Variants in MITF observed in about 807,000 individuals in gnomAD.
MITF encodes microphthalmia-associated transcription factor.
In MITF, 17 loss-of-function variants were observed where a neutral mutation model predicts 60.5. The ratio of observed to expected loss-of-function variants is 0.28; its 90% confidence interval spans 0.19 to 0.42. MITF has a LOEUF of 0.42. Among genes scored for constraint, MITF ranks in the 10% least tolerant of loss-of-function variants. The pLI, the probability that MITF is intolerant of heterozygous loss-of-function variation, is 1.00. For missense variants in MITF, 622 were observed against 683.5 expected (o/e 0.91, Z 1.00); for synonymous variants, 260 against 248.5 (o/e 1.05, Z -0.43).
intron 1 of MITF, among the ~76,000 whole-genome samples, chr3:69,755,445 T>G (rs1171321147): frequency 1.9e-5 from 2 of 103,722 alleles, no homozygotes; most frequent in African/African-American, 3.4e-5. Flanking sequence ...TTTTTTTTTT[T>G]TTTTTTTTTT....
At chr3:69,749,851 G>A (rs1703862837) in intron 1 of MITF, among the ~76,000 whole-genome samples, 2 of 152,150 alleles carry the variant, frequency 1.3e-5, no homozygotes, top group African/African-American at 4.8e-5. Context: ...TGGTCTTTGG[G>A]TAGGTACACA....
At chr3:69,916,972 A>G (rs947080983) in intron 2 of MITF, among the ~76,000 whole-genome samples, 10 of 152,162 alleles carry the variant, frequency 6.6e-5, no homozygotes, top group African/African-American at 2.2e-4. Flanking sequence ...AGATTCTGGT[A>G]TTGTTGCTTG....
chr3:69,777,532 A>G (rs751730021), intron 1 of MITF, among the ~76,000 whole-genome samples: 1 of 152,190 alleles, frequency 6.6e-6, no homozygotes, highest in Non-Finnish European at 1.5e-5. Flanking sequence ...TTTGAGTAGC[A>G]TTGGTCCTGA....
intron 7 of MITF, among the ~76,000 whole-genome samples, chr3:69,952,307 G>A (rs962739104): frequency 7.2e-5 from 11 of 152,144 alleles, no homozygotes; most frequent in Non-Finnish European, 8.8e-5. Context: ...CTGAAGGGGA[G>A]TAAATGGATG....
Position 69,827,697 on chromosome 3 carries a change from A to G in MITF, c.105-51437A>G, listed in dbSNP as rs117411448. Among the ~76,000 whole-genome samples, 93 of 152,254 alleles carry G rather than the reference A, an allele frequency of 6.1e-4. No homozygotes were observed. In the East Asian group the frequency reaches 9.1e-3, roughly 15 times the overall value. On this transcript the variant is annotated intron_variant, in intron 1 of 9. Coordinates refer to ENST00000352241, the MANE Select transcript of MITF (RefSeq NM_001354604.2). The stretch of plus-strand genomic sequence containing the variant: ...AAACACTTCCATTGAATCAGTGGAC[A>G]TGACTTTTGGAATATAATTCCCAAT...
At chr3:69,756,640 G>A (rs1704160137) in intron 1 of MITF, among the ~76,000 whole-genome samples, 1 of 152,144 alleles carries the variant, frequency 6.6e-6, no homozygotes, top group Non-Finnish European at 1.5e-5. Context: ...AATCCTTTGG[G>A]TATATACCCA....
intron 7 of MITF, 144 bp from the exon 8 acceptor site, chr3:69,956,311 A>G (rs2066395960): frequency 2.8e-6 from 2 of 712,702 alleles, no homozygotes; most frequent in Non-Finnish European, 5.1e-6. Context: ...AATACCAAGA[A>G]CATAGTAAAA....
At chr3:69,758,961 A>G (rs1475652048) in intron 1 of MITF, among the ~76,000 whole-genome samples, 1 of 152,238 alleles carries the variant, frequency 6.6e-6, no homozygotes, top group Non-Finnish European at 1.5e-5. Context: ...TGGCATATGT[A>G]CATTCTCAAT....
intron 1 of MITF, among the ~76,000 whole-genome samples, chr3:69,837,044 C>T (rs1022101137): frequency 4.6e-5 from 7 of 152,214 alleles, no homozygotes; most frequent in Non-Finnish European, 7.3e-5. Flanking sequence ...AGCCCCTGAC[C>T]CTTAGGGCTT....
chr3:69,939,126 G>A lies in MITF; in HGVS notation c.611G>A (p.Arg204Lys). ...TTTTATAAGTTTGAAGAGCAAAACA[G>A]GGCAGAGAGCGAGTGCCCAGGCATG... is the stretch of plus-strand genomic sequence containing the variant. ...EGFYKFEEQNRAESECPGMNT... is the reference protein window; with the variant it reads ...EGFYKFEEQNKAESECPGMNT... Residue 204 changes from arginine to lysine, a missense_variant, in exon 4 of 10, where the codon AGG (arginine) becomes AAG (lysine). By Grantham distance (26) the Arg-to-Lys change is conservative. This residue lies in a region of MITF where 215 missense variants were observed against 224.8 expected (regional missense o/e 0.96). Coordinates refer to ENST00000352241, the MANE Select transcript of MITF (RefSeq NM_001354604.2). 2 of 1,614,054 alleles carry A rather than the reference G, an allele frequency of 1.2e-6. No homozygotes were observed. The highest frequency in any genetic ancestry group is 1.1e-5 in the South Asian group (1 of 91,080).
chr3:69,810,192 T>G (rs894960883), intron 1 of MITF, among the ~76,000 whole-genome samples: 1 of 152,178 alleles, frequency 6.6e-6, no homozygotes, highest in Admixed American at 6.5e-5. Flanking sequence ...AGTACAGATT[T>G]TGATATCTTG....
chr3:69,852,332 C>G (rs1158261708), intron 1 of MITF, among the ~76,000 whole-genome samples: 1 of 152,208 alleles, frequency 6.6e-6, no homozygotes, highest in African/African-American at 2.4e-5. Context: ...CCTAGTCAAC[C>G]CCTCTTCTAA....
At chr3:69,909,557 G>T (rs572902178) in intron 2 of MITF, among the ~76,000 whole-genome samples, 1 of 152,266 alleles carries the variant, frequency 6.6e-6, no homozygotes, top group South Asian at 2.1e-4. Flanking sequence ...TTGTTGAATG[G>T]CTTTGACTAA....
At chr3:69,870,273 C>CACACAA (rs1448668213) in intron 1 of MITF, among the ~76,000 whole-genome samples, 1 of 148,876 alleles carries the variant, frequency 6.7e-6, no homozygotes, top group Non-Finnish European at 1.5e-5. Context: ...CACACACACA[C>CACACAA]ACACACACGT....
At chr3:69,870,504 C>T (rs1177249881) in intron 1 of MITF, among the ~76,000 whole-genome samples, 13 of 149,702 alleles carry the variant, frequency 8.7e-5, no homozygotes, top group South Asian at 2.1e-4. Context: ...GCGGGATATC[C>T]GCTCACTGCA....
At chr3:69,823,142 G>A (rs1378501530) in intron 1 of MITF, among the ~76,000 whole-genome samples, 2 of 152,142 alleles carry the variant, frequency 1.3e-5, no homozygotes, top group Non-Finnish European at 2.9e-5. Context: ...GCCTCCCAAA[G>A]TGCTGGGATT....
At chr3:69,823,030 C>T (rs965055611) in intron 1 of MITF, among the ~76,000 whole-genome samples, 3 of 151,970 alleles carry the variant, frequency 2.0e-5, no homozygotes, top group African/African-American at 7.2e-5. Flanking sequence ...AGGTGCATGC[C>T]ACCACGCCTG....
chr3:69,831,295 A>AG (rs955901200), intron 1 of MITF, among the ~76,000 whole-genome samples: 1 of 152,156 alleles, frequency 6.6e-6, no homozygotes, highest in African/African-American at 2.4e-5. Flanking sequence ...GACATGGAGT[A>AG]GGGCACTAGC....
At chr3:69,842,997 A>G (rs1371040856) in intron 1 of MITF, among the ~76,000 whole-genome samples, 1 of 152,178 alleles carries the variant, frequency 6.6e-6, no homozygotes, top group African/African-American at 2.4e-5. Flanking sequence ...GGGCTTTGGC[A>G]TTGACAACTT....
Sources: allele counts gnomAD v4.1 joint callset (sites outside exome capture counted in the v4.1 genomes callset), GRCh38; gene constraint gnomAD v4.1.1; regional missense constraint gnomAD v4.1.1; transcripts MANE v1.5; gene names NCBI Gene and HGNC (gene_info 2026-07-23, HGNC 2026-07-21).